The following MXI1 variants were observed in gnomAD, a reference collection of about 807,000 sequenced individuals.
The protein encoded by MXI1 is max-interacting protein 1.
MXI1 carries 18 observed loss-of-function variants against 36.9 expected under a neutral mutation model. That is an observed-to-expected ratio of 0.49 (90% CI 0.34 to 0.72). MXI1 has a LOEUF of 0.72. Ranked by LOEUF, MXI1 falls within the 30% of genes least tolerant of loss-of-function variation. The pLI, the probability that MXI1 is intolerant of heterozygous loss-of-function variation, is 0.01. For synonymous variants in MXI1, 160 were observed against 146.7 expected (o/e 1.09, Z -0.65); for missense variants, 304 against 379.1 (o/e 0.80, Z 1.64).
chr10:110,276,053 T>A (rs1216420437), intron 3 of MXI1, among the ~76,000 whole-genome samples: 2 of 152,222 alleles, frequency 1.3e-5, no homozygotes, highest in Non-Finnish European at 2.9e-5. Context: ...GATTTGTCGG[T>A]GCATTGCAGA....
At chr10:110,235,689 A>AT (rs1855436334) in intron 2 of MXI1, among the ~76,000 whole-genome samples, 2 of 148,574 alleles carry the variant, frequency 1.3e-5, no homozygotes, top group African/African-American at 5.1e-5. Flanking sequence ...CTCTGTCTCA[A>AT]AAAATAAATA....
intron 3 of MXI1, among the ~76,000 whole-genome samples, chr10:110,273,165 G>A (rs1183633344): frequency 1.3e-5 from 2 of 148,852 alleles, no homozygotes; most frequent in Non-Finnish European, 3.0e-5. Flanking sequence ...CTCCTGCTTC[G>A]GCCTCCCAAG....
intron 3 of MXI1, among the ~76,000 whole-genome samples, chr10:110,276,212 C>T (rs556912893): frequency 6.6e-6 from 1 of 152,236 alleles, no homozygotes; most frequent in South Asian, 2.1e-4. Flanking sequence ...TTTTAAATTA[C>T]CTAGAAAATC....
At chr10:110,239,581 A>AAG (rs1855594433) in intron 2 of MXI1, among the ~76,000 whole-genome samples, 1 of 152,088 alleles carries the variant, frequency 6.6e-6, no homozygotes, top group Non-Finnish European at 1.5e-5. Context: ...ATTAAATTTC[A>AAG]TTGTGATTGG....
chr10:110,259,164 G>C lies in MXI1; in HGVS notation c.437+14307G>C, dbSNP rs962611568. Among the ~76,000 whole-genome samples the C allele has an allele frequency of 2.6e-5, 4 of 152,096 alleles. 1 individual carries two copies. The highest frequency in any genetic ancestry group is 2.6e-4 in the Admixed American group (4 of 15,262). The stretch of plus-strand genomic sequence containing the variant: ...GAAGTTGTGGTAGCTTTTTATGCAA[G>C]TGATTGCAGAGTGCCTAACTTAAGC... On this transcript the variant is annotated intron_variant, in intron 3 of 5. Transcript: ENST00000332674.
Position 110,279,309 on chromosome 10 carries a change from T to C in MXI1, c.552+15T>C. 1 of 1,605,038 alleles carries C rather than the reference T, an allele frequency of 6.2e-7. No homozygotes were observed. Among genetic ancestry groups the C allele is most frequent in the Non-Finnish European group, 8.5e-7 (1 of 1,171,810 alleles). ...CACACATCAAGGTGAGAATTTTTAC[T>C]TTCAGATTTGCACAATTCCCTCAGT... On this transcript the variant is annotated intron_variant, in intron 4 of 5. Transcript: ENST00000332674.
At chr10:110,236,571 C>T (rs543908907) in intron 2 of MXI1, among the ~76,000 whole-genome samples, 3 of 152,220 alleles carry the variant, frequency 2.0e-5, no homozygotes, top group Non-Finnish European at 4.4e-5. Context: ...ATTCTCCCAT[C>T]GCAGCCTCCT....
At chr10:110,266,709 A>G (rs1381322232) in intron 3 of MXI1, among the ~76,000 whole-genome samples, 1 of 152,104 alleles carries the variant, frequency 6.6e-6, no homozygotes, top group African/African-American at 2.4e-5. Flanking sequence ...GAGATCATGT[A>G]TTTCACGTTG....
chr10:110,262,180 C>T (rs945616798), intron 3 of MXI1, among the ~76,000 whole-genome samples: 2 of 152,126 alleles, frequency 1.3e-5, no homozygotes, highest in Admixed American at 1.3e-4. Flanking sequence ...AAAATTGCAT[C>T]TATGCTAAAC....
intron 2 of MXI1, among the ~76,000 whole-genome samples, chr10:110,237,931 A>T (rs999080560): frequency 6.6e-6 from 1 of 152,158 alleles, no homozygotes; most frequent in Non-Finnish European, 1.5e-5. Context: ...CATGCGCTAC[A>T]ATGTCCAGCT....
At chr10:110,239,446 C>T (rs1171534377) in intron 2 of MXI1, among the ~76,000 whole-genome samples, 1 of 152,166 alleles carries the variant, frequency 6.6e-6, no homozygotes, top group African/African-American at 2.4e-5. Flanking sequence ...CATTCAACAA[C>T]TTTTGATATG....
chr10:110,244,771 T>C, intron 2 of MXI1, 57 bp from the exon 3 acceptor site: 1 of 1,477,930 alleles, frequency 6.8e-7, no homozygotes, highest in South Asian at 1.2e-5. Flanking sequence ...TAATCTGTCT[T>C]TCTATAGCTT....
intron 1 of MXI1, among the ~76,000 whole-genome samples, chr10:110,221,930 G>T (rs1057238807): frequency 6.6e-6 from 1 of 152,136 alleles, no homozygotes; most frequent in Non-Finnish European, 1.5e-5. Context: ...CCTGGGAGGC[G>T]GCAGCTACCT....
At chr10:110,229,145 A>T (rs1354820192) in intron 2 of MXI1, among the ~76,000 whole-genome samples, 1 of 152,194 alleles carries the variant, frequency 6.6e-6, no homozygotes, top group Non-Finnish European at 1.5e-5. Flanking sequence ...CGGTGTTTTT[A>T]TTCTAGGGAG....
intron 1 of MXI1, chr10:110,210,106 G>A (rs2134320075): frequency 4.1e-6 from 1 of 243,810 alleles, no homozygotes; most frequent in African/African-American, 2.4e-5. Context: ...GGGCTCCGGC[G>A]TGGCCACCAG....
chr10:110,279,160 T>G lies in MXI1; in HGVS notation c.438-20T>G. On this transcript the variant is annotated intron_variant, in intron 3 of 5. Coordinates refer to ENST00000332674, the MANE Select transcript of MXI1 (RefSeq NM_130439.3). Reference sequence around the variant, plus strand: ...GTGAAATAACCAGACTGTGCTGATTTGACTTTTTGTCTTTCTTAGACGAGC... The same window carrying G: ...GTGAAATAACCAGACTGTGCTGATTGGACTTTTTGTCTTTCTTAGACGAGC... 2 of 1,572,366 alleles carry G rather than the reference T, an allele frequency of 1.3e-6. No individual in the cohort carries two copies. Among genetic ancestry groups the G allele is most frequent in the Non-Finnish European group, 1.7e-6 (2 of 1,143,214 alleles).
intron 1 of MXI1, 57 bp from the exon 2 acceptor site, chr10:110,228,132 C>T: frequency 6.3e-7 from 1 of 1,584,830 alleles, no homozygotes; most frequent in Non-Finnish European, 8.6e-7. Flanking sequence ...ATTTGTGGGT[C>T]AATGGATTTG....
At chr10:110,244,894 TA>T in intron 3 of MXI1, 37 bp downstream of exon 3, 1 of 1,601,656 alleles carries the variant, frequency 6.2e-7, no homozygotes, top group Non-Finnish European at 8.5e-7. Flanking sequence ...CACTTACGTT[TA>T]AAAGCAAACT....
In MXI1 at chr10:110,228,189, A is replaced by T. The variant is rs769133848; in HGVS notation, c.275A>T (p.Lys92Met). The stretch of plus-strand genomic sequence containing the variant: ...TATCTTTTTTTCTTGCTTTCTTCAG[A>T]GTGTGAACATGGCTACGCCTCTTCA... ...YLEQIEKENK[K>M]CEHGYASSFP... is the part of the protein sequence containing the mutation. Residue 92 changes from lysine to methionine, a missense_variant and splice_region_variant, in exon 2 of 6, where the codon AAG (lysine) becomes ATG (methionine). By Grantham distance (95) the Lys-to-Met change is moderately conservative (BLOSUM62 -1). Around this residue, in one of 2 missense-constraint regions of MXI1, gnomAD observed 179 missense variants for 184.8 expected, o/e 0.97. Coordinates refer to ENST00000332674, the MANE Select transcript of MXI1 (RefSeq NM_130439.3). 7.4e-6 allele frequency: 12 copies of T among 1,613,736 alleles called. No individual in the cohort carries two copies. The highest frequency in any genetic ancestry group is 1.7e-5 in the Admixed American group (1 of 59,992).
Sources: gnomAD v4.1 joint callset for allele counts (sites outside exome capture counted in the v4.1 genomes callset) on GRCh38, gnomAD v4.1.1 for gene constraint, gnomAD v4.1.1 regional missense constraint, MANE v1.5 for transcripts, NCBI Gene and HGNC (gene_info 2026-07-23, HGNC 2026-07-21) for gene names.